Variants in ERBB4 observed in about 807,000 individuals in gnomAD.
ERBB4 encodes the protein erb-b2 receptor tyrosine kinase 4.
In ERBB4, 42 loss-of-function variants were observed where a neutral mutation model predicts 158.0. That is an observed-to-expected ratio of 0.27 (90% confidence interval 0.21 to 0.34). ERBB4 has a LOEUF of 0.34. Ranked by LOEUF, ERBB4 falls within the 10% of genes least tolerant of loss-of-function variation. The pLI is 1.00. For synonymous variants in ERBB4, 583 were observed against 558.7 expected, an observed-to-expected ratio of 1.04 and a Z score of -0.61; for missense variants, 1,333 against 1,624.1, an observed-to-expected ratio of 0.82 and a Z score of 3.08.
chr2:212,078,851 G>A (rs1286759836), intron 2 of ERBB4, among the ~76,000 whole-genome samples: 1 of 150,804 alleles, frequency 6.6e-6, no homozygotes, highest in Non-Finnish European at 1.5e-5. Context: ...ATTATTACTA[G>A]TTACCATTTT....
intron 1 of ERBB4, among the ~76,000 whole-genome samples, chr2:212,329,074 T>C (rs961020758): frequency 1.3e-5 from 2 of 152,062 alleles, no homozygotes; most frequent in Admixed American, 1.3e-4. Flanking sequence ...ACTAAGAACT[T>C]GTTTAATTTA....
At chr2:211,471,736 T>TA (rs949754969) in intron 20 of ERBB4, among the ~76,000 whole-genome samples, 4 of 151,958 alleles carry the variant, frequency 2.6e-5, no homozygotes, top group African/African-American at 9.7e-5. Flanking sequence ...AAGTAGGAGT[T>TA]AAAAAAGTGA....
chr2:211,590,458 C>T (rs868597668), intron 19 of ERBB4, among the ~76,000 whole-genome samples: 1 of 152,126 alleles, frequency 6.6e-6, no homozygotes, highest in Non-Finnish European at 1.5e-5. Flanking sequence ...TATTTTGCAG[C>T]CTCTATCCTT....
At chr2:211,787,502 A>G (rs1291354991) in intron 4 of ERBB4, among the ~76,000 whole-genome samples, 1 of 152,194 alleles carries the variant, frequency 6.6e-6, no homozygotes, top group East Asian at 1.9e-4. Flanking sequence ...TTTCTTCTAT[A>G]TGAAATCTAT....
intron 1 of ERBB4, among the ~76,000 whole-genome samples, chr2:212,387,184 T>C (rs754411799): frequency 2.6e-5 from 4 of 152,144 alleles, no homozygotes; most frequent in African/African-American, 7.2e-5. Flanking sequence ...TTTGTATCTT[T>C]TTGGTTTGGT....
chr2:212,317,745 C>A (rs1299721489), intron 1 of ERBB4, among the ~76,000 whole-genome samples: 1 of 151,342 alleles, frequency 6.6e-6, no homozygotes, highest in African/African-American at 2.4e-5. Context: ...TCAAAGCATA[C>A]AGATATAAAG....
intron 16 of ERBB4, among the ~76,000 whole-genome samples, chr2:211,641,600 T>C (rs1407064091): frequency 6.6e-6 from 1 of 152,138 alleles, no homozygotes; most frequent in Non-Finnish European, 1.5e-5. Context: ...AAGAAAATTA[T>C]TTAATTGAAA....
At position 211,380,965 on chromosome 2, in the gene ERBB4, A is replaced by G. The variant is rs1025323010; in HGVS notation, c.*2650T>C. 112 of 232,422 alleles carry G rather than the reference A, an allele frequency of 4.8e-4. No homozygotes were observed. Among genetic ancestry groups the G allele is most frequent in the East Asian group, 9.1e-4 (15 of 16,434 alleles). The allele number at this position is 232,422 out of a possible 1,614,324, so 14.4% of individuals were successfully genotyped here. A position where few individuals can be genotyped will look rare whatever the true frequency, so the allele number is the denominator to read the frequency against. On this transcript the variant is annotated 3_prime_UTR_variant, in exon 28 of 28. Transcript: ENST00000342788. The stretch of plus-strand genomic sequence containing the variant: ...TAAATCAGAAAAAAAAAATCAAGGT[A>G]TAGTATCCAAAAAGAGGGCTGTGAT...
intron 1 of ERBB4, among the ~76,000 whole-genome samples, chr2:212,454,505 C>T (rs1385671242): frequency 6.6e-6 from 1 of 152,084 alleles, no homozygotes; most frequent in African/African-American, 2.4e-5. Flanking sequence ...TTGTTAGAAT[C>T]TCTATAATAA....
chr2:212,124,803 G>A lies in ERBB4; in HGVS notation c.183C>T (p.Gly61=), dbSNP rs2079870020. 6.2e-7 allele frequency: 1 copy of A among 1,614,032 alleles called. No homozygotes were observed. The highest frequency in any genetic ancestry group is 1.1e-5 in the South Asian group (1 of 91,078). Residue 61 remains glycine, a synonymous_variant, in exon 2 of 28, where the codon GGC becomes GGT. Transcript: ENST00000342788. The part of the protein sequence containing the change: ...KYYENCEVVM[G]NLEITSIEHN... ...GCTCAATGCTGGTTATCTCCAGGTT[G>A]CCCATGACAACCTCACAGTTTTCAT...
At chr2:212,522,486 T>C (rs571736339) in intron 1 of ERBB4, among the ~76,000 whole-genome samples, 1 of 151,898 alleles carries the variant, frequency 6.6e-6, no homozygotes, top group South Asian at 2.1e-4. Context: ...CATATCCAAG[T>C]GGAGATATCG....
rs1574386136 is a variant in ERBB4, at chr2:211,386,786, T to C, written c.3481+67A>G. 2.6e-6 allele frequency: 4 copies of C among 1,534,912 alleles called. No individual in the cohort carries two copies. In the East Asian group the frequency reaches 6.7e-5, roughly 26 times the overall value. On this transcript the variant is annotated intron_variant, in intron 27 of 27. Transcript: ENST00000342788. ...GTCAGCTATCTGGCAATTTCTATTC[T>C]GTACTTTGTTTATCTTGATGGAAGT...
At chr2:212,022,130 T>G (rs1228041874) in intron 2 of ERBB4, among the ~76,000 whole-genome samples, 1 of 151,678 alleles carries the variant, frequency 6.6e-6, no homozygotes, top group East Asian at 1.9e-4. Context: ...CTCAAATATT[T>G]AGAACTGGAA....
rs188219020 is a variant in ERBB4, at chr2:212,285,735, A to T, written c.83-160832T>A. Among the ~76,000 whole-genome samples the T allele has an allele frequency of 3.3e-5, 5 of 152,298 alleles. 1 individual carries two copies. The highest frequency in any genetic ancestry group is 1.2e-4 in the African/African-American group (5 of 41,580). ...AAAAATTATAAAAAAATTGAGCATC[A>T]AAAATTGATTTATAAAGTAAGAATT... On this transcript the variant is annotated intron_variant, in intron 1 of 27. Coordinates refer to ENST00000342788, the MANE Select transcript of ERBB4 (RefSeq NM_005235.3).
At chr2:212,516,605 T>C (rs1691858823) in intron 1 of ERBB4, among the ~76,000 whole-genome samples, 1 of 152,168 alleles carries the variant, frequency 6.6e-6, no homozygotes. Flanking sequence ...CGTTAAAATG[T>C]ATTTAACACA....
chr2:211,415,527 C>T lies in ERBB4; in HGVS notation c.3135+4914G>A, dbSNP rs192742513. 1.5e-3 allele frequency among the ~76,000 whole-genome samples: 231 copies of T among 152,280 alleles called. 1 individual carries two copies. The highest frequency in any genetic ancestry group is 5.4e-3 in the African/African-American group (223 of 41,568). On this transcript the variant is annotated intron_variant, in intron 25 of 27. Coordinates refer to ENST00000342788, the MANE Select transcript of ERBB4 (RefSeq NM_005235.3). ...ACATAGCAAAATATAATAAATCTTA[C>T]AGGAGAGACCAAAGATTTGCTTGCA...
chr2:211,753,946 C>T (rs1326800249), intron 4 of ERBB4, among the ~76,000 whole-genome samples: 1 of 150,656 alleles, frequency 6.6e-6, no homozygotes, highest in Admixed American at 6.6e-5. Context: ...CAAGCTCCGC[C>T]TCCTGGGTTC....
At chr2:211,515,042 G>T (rs955975962) in intron 20 of ERBB4, among the ~76,000 whole-genome samples, 2 of 152,124 alleles carry the variant, frequency 1.3e-5, no homozygotes, top group Non-Finnish European at 2.9e-5. Flanking sequence ...AGCAGGAAAG[G>T]CTTCATATAG....
Position 212,430,565 on chromosome 2 carries a change from C to T in ERBB4, c.82+107884G>A, listed in dbSNP as rs190600800. Among the ~76,000 whole-genome samples the T allele has an allele frequency of 4.8e-4, 73 of 152,116 alleles. No homozygotes were observed. In the East Asian group the frequency reaches 0.013, roughly 27 times the overall value. ...AAGCGATTCTCCTGCCTCAGCCTCCCAAGTAGCTGGGATTACAGGTGCCTA... is the reference window on the plus strand; with the variant it reads ...AAGCGATTCTCCTGCCTCAGCCTCCTAAGTAGCTGGGATTACAGGTGCCTA... On this transcript the variant is annotated intron_variant, in intron 1 of 27. Coordinates refer to ENST00000342788, the MANE Select transcript of ERBB4 (RefSeq NM_005235.3).
Sources: allele counts gnomAD v4.1 joint callset (sites outside exome capture counted in the v4.1 genomes callset), GRCh38; gene constraint gnomAD v4.1.1; transcripts MANE v1.5; gene names NCBI Gene and HGNC (gene_info 2026-07-23, HGNC 2026-07-21).